The following RC3H1 variants were observed in gnomAD, a reference collection of about 807,000 sequenced individuals.
RC3H1 encodes the protein roquin-1.
In RC3H1, 50 loss-of-function variants were observed where a neutral mutation model predicts 138.2. The observed-to-expected ratio is 0.36, with a 90% CI of 0.29 to 0.46. The LOEUF is 0.46. RC3H1 is among the 20% of genes least tolerant of loss of function. RC3H1 has a pLI of 1.00. For synonymous variants in RC3H1, 462 were observed against 489.1 expected (o/e 0.94, Z 0.73); for missense variants, 1,031 against 1,388.1 (o/e 0.74, Z 4.09).
intron 13 of RC3H1, among the ~76,000 whole-genome samples, chr1:173,955,911 A>G (rs1659623969): frequency 6.6e-6 from 1 of 152,024 alleles, no homozygotes; most frequent in South Asian, 2.1e-4. Flanking sequence ...TGGCTAGATC[A>G]TCTGAGGTTA....
chr1:174,000,740 C>G (rs937905982), intron 1 of RC3H1, among the ~76,000 whole-genome samples: 1 of 152,134 alleles, frequency 6.6e-6, no homozygotes, highest in Admixed American at 6.6e-5. Flanking sequence ...AAATGTTTCA[C>G]TGCCTTGAAA....
At position 173,980,066 on chromosome 1, in the gene RC3H1, A is replaced by G. The variant is rs533561083; in HGVS notation, c.969+743T>C. Among the ~76,000 whole-genome samples the G allele has an allele frequency of 3.2e-4, 48 of 148,380 alleles. No homozygotes were observed. The Middle Eastern group carries it at 0.01, about 32-fold the overall frequency. Reference sequence around the variant, plus strand: ...CTATTTTTTTTTTTTTTTGGTAGAGATGAGTGTCCCAATGTTTCCCAGGCT... The same window carrying G: ...CTATTTTTTTTTTTTTTTGGTAGAGGTGAGTGTCCCAATGTTTCCCAGGCT... On this transcript the variant is annotated intron_variant, in intron 6 of 19. Coordinates refer to ENST00000367696, the MANE Select transcript of RC3H1 (RefSeq NM_172071.4).
intron 14 of RC3H1, among the ~76,000 whole-genome samples, chr1:173,950,624 A>T (rs529741933): frequency 6.6e-6 from 1 of 152,076 alleles, no homozygotes; most frequent in Non-Finnish European, 1.5e-5. Flanking sequence ...TACTAAACTC[A>T]GGATAGAGAT....
At chr1:173,992,669 A>AACACAC (rs34709821) in intron 2 of RC3H1, 86 bp downstream of exon 2, 9,389 of 655,738 alleles carry the variant, frequency 0.014, 136 homozygotes, top group African/African-American at 0.063. Flanking sequence ...AAACACGCAC[A>AACACAC]ACACACACAC....
intron 1 of RC3H1, among the ~76,000 whole-genome samples, chr1:173,993,944 C>T (rs552968831): frequency 9.8e-5 from 14 of 142,634 alleles, no homozygotes; most frequent in Non-Finnish European, 1.4e-4. Context: ...CGCTTAAACC[C>T]GGGAGGCGGA....
chr1:173,967,185 G>A lies in RC3H1; in HGVS notation c.1335-2065C>T, dbSNP rs539623718. Among the ~76,000 whole-genome samples, 3 of 152,228 alleles carry A rather than the reference G, an allele frequency of 2.0e-5. No homozygotes were observed. In the South Asian group the frequency reaches 6.2e-4, roughly 32 times the overall value. On this transcript the variant is annotated intron_variant, in intron 9 of 19. Transcript: ENST00000367696. ...AAAATACAAAAATTAGCTGGGCATG[G>A]TGGCATGCACCTGTGGTCCCAGCTT...
intron 8 of RC3H1, 35 bp downstream of exon 8, chr1:173,972,474 G>A (rs777706740): frequency 1.4e-6 from 2 of 1,458,110 alleles, no homozygotes; most frequent in African/African-American, 1.4e-5. Context: ...CATATCCACA[G>A]TGGGTTAACT....
chr1:174,000,582 C>CT (rs1403462470), intron 1 of RC3H1, among the ~76,000 whole-genome samples: 1 of 152,212 alleles, frequency 6.6e-6, no homozygotes, highest in African/African-American at 2.4e-5. Flanking sequence ...CAAAACCACA[C>CT]TGTCTGTAAG....
At chr1:173,979,152 A>G (rs1236113713) in intron 6 of RC3H1, among the ~76,000 whole-genome samples, 1 of 152,234 alleles carries the variant, frequency 6.6e-6, no homozygotes, top group Non-Finnish European at 1.5e-5. Flanking sequence ...CATACACAGA[A>G]CATTTTCATG....
intron 1 of RC3H1, among the ~76,000 whole-genome samples, chr1:173,995,759 T>C (rs1661444207): frequency 6.6e-6 from 1 of 151,942 alleles, no homozygotes. Context: ...CTAGGAAGAG[T>C]AACAACTATA....
intron 14 of RC3H1, among the ~76,000 whole-genome samples, chr1:173,949,088 T>A (rs979170159): frequency 2.6e-4 from 35 of 135,984 alleles, no homozygotes; most frequent in Middle Eastern, 3.8e-3. Context: ...AAAAAAAAAA[T>A]TTTATTTTGC....
intron 1 of RC3H1, among the ~76,000 whole-genome samples, chr1:174,004,779 G>A (rs1015687104): frequency 6.6e-6 from 1 of 152,080 alleles, no homozygotes; most frequent in Admixed American, 6.5e-5. Context: ...GATCACAAAA[G>A]AGAGAAAAGA....
chr1:173,946,586 C>T lies in RC3H1; in HGVS notation c.2851G>A (p.Val951Met). Residue 951 changes from valine to methionine, a missense_variant, in exon 17 of 20, where the codon GTG becomes ATG. Val to Met is a conservative substitution (Grantham distance 21). This residue lies in a region of RC3H1 where 716 missense variants were observed against 837.9 expected (regional missense o/e 0.85). Coordinates refer to ENST00000367696, the MANE Select transcript of RC3H1 (RefSeq NM_172071.4). ...GGAAGGGGTTTTCCATGACTGGCCA[C>T]TTCTGACATAGATATTCTCTCCCTT... The part of the protein sequence containing the change: ...SERERISMSE[V>M]ASHGKPLPSA... 2 of 1,614,004 alleles carry T rather than the reference C, an allele frequency of 1.2e-6. No individual in the cohort carries two copies. The highest frequency in any genetic ancestry group is 1.7e-6 in the Non-Finnish European group (2 of 1,179,964).
chr1:173,965,853 T>A (rs1660093385), intron 9 of RC3H1, among the ~76,000 whole-genome samples: 1 of 151,830 alleles, frequency 6.6e-6, no homozygotes, highest in African/African-American at 2.4e-5. Context: ...GTTAAAAAAT[T>A]TAAGCAGCCA....
At chr1:173,970,750 G>A (rs1660322439) in intron 8 of RC3H1, 133 bp from the exon 9 acceptor site, 3 of 543,484 alleles carry the variant, frequency 5.5e-6, no homozygotes. Context: ...AAGAGCAAAA[G>A]TGCTGGAAAG....
intron 1 of RC3H1, among the ~76,000 whole-genome samples, chr1:174,018,913 T>C (rs1661910748): frequency 6.6e-6 from 1 of 152,192 alleles, no homozygotes; most frequent in African/African-American, 2.4e-5. Context: ...TCAGAATCCA[T>C]TTCAAGCCCT....
intron 2 of RC3H1, among the ~76,000 whole-genome samples, chr1:173,985,054 C>G (rs1214424479): frequency 6.6e-6 from 1 of 152,168 alleles, no homozygotes; most frequent in Non-Finnish European, 1.5e-5. Flanking sequence ...TTCATATAAG[C>G]AAAATCAATA....
Position 173,975,747 on chromosome 1 carries a change from A to C in RC3H1, c.1102+2741T>G, listed in dbSNP as rs577940522. Among the ~76,000 whole-genome samples the C allele has an allele frequency of 2.4e-3, 232 of 94,756 alleles. 31 individuals are homozygous for C. Among genetic ancestry groups the C allele is most frequent in the African/African-American group, 3.5e-3 (32 of 9,184 alleles). The allele number at this position is 94,756 out of a possible 152,430, so 62.2% of individuals were successfully genotyped here. On this transcript the variant is annotated intron_variant, in intron 7 of 19. Transcript: ENST00000367696. The stretch of plus-strand genomic sequence containing the variant: ...CCCCGTCTCTACTAAAAATACAAAA[A>C]ATTAGCCGGGCGTAGTGGCGGGCGC...
chr1:173,964,097 A>T lies in RC3H1; in HGVS notation c.1707T>A (p.Pro569=). The part of the protein sequence containing the change: ...PRGPADLPPM[P]VTKPLQMVPR... ...GTACCATCTGAAGTGGTTTGGTAAC[A>T]GGCATTGGAGGCAGATCTGCTGGCC... The change falls in exon 11 of 20, where the codon CCT becomes CCA. Residue 569 remains proline, a synonymous_variant. Coordinates refer to ENST00000367696, the MANE Select transcript of RC3H1 (RefSeq NM_172071.4). The T allele has an allele frequency of 6.2e-7, 1 of 1,614,152 alleles. No individual in the cohort carries two copies. The highest frequency in any genetic ancestry group is 8.5e-7 in the Non-Finnish European group (1 of 1,179,996).
Sources: allele counts gnomAD v4.1 joint callset (sites outside exome capture counted in the v4.1 genomes callset), GRCh38; gene constraint gnomAD v4.1.1; regional missense constraint gnomAD v4.1.1; transcripts MANE v1.5; gene names NCBI Gene and HGNC (gene_info 2026-07-23, HGNC 2026-07-21).